The following CLOCK variants were observed in gnomAD, a reference collection of about 807,000 sequenced individuals.
CLOCK encodes clock circadian regulator.
Under a neutral mutation model 118.4 loss-of-function variants are expected in CLOCK, and 43 were observed. That is an observed-to-expected ratio of 0.36 (90% confidence interval 0.28 to 0.47). The LOEUF is 0.47. Among genes scored for constraint, CLOCK ranks in the 20% least tolerant of loss-of-function variants. The pLI is 1.00. For synonymous variants in CLOCK, 326 were observed against 339.2 expected (o/e 0.96, Z 0.43); for missense variants, 846 against 999.9 (o/e 0.85, Z 2.08).
At chr4:55,484,057 G>C (rs904350515) in intron 3 of CLOCK, among the ~76,000 whole-genome samples, 1 of 152,164 alleles carries the variant, frequency 6.6e-6, no homozygotes, top group African/African-American at 2.4e-5. Flanking sequence ...ACAAGAACGT[G>C]AGATTCTAAA....
intron 3 of CLOCK, among the ~76,000 whole-genome samples, chr4:55,487,056 C>G (rs1224595073): frequency 6.6e-6 from 1 of 152,082 alleles, no homozygotes; most frequent in Non-Finnish European, 1.5e-5. Context: ...GCTCTACTTT[C>G]AATAGATTTT....
At position 55,435,495 on chromosome 4, in the gene CLOCK, G is replaced by GTTGC; in HGVS notation, c.2457_2460dup (p.His821AlafsTer16). ...AGTTGCTGCTGTTGCTGAGACTGAT[G>GTTGC]TTGCTGGTGATGTGACTGAGGGAAG... On this transcript the variant is annotated frameshift_variant, in exon 23 of 23. Transcript: ENST00000513440. LOFTEE classifies it high-confidence loss of function. The GTTGC allele has an allele frequency of 6.2e-7, 1 of 1,614,062 alleles. No homozygotes were observed. The highest frequency in any genetic ancestry group is 8.5e-7 in the Non-Finnish European group (1 of 1,179,954).
At chr4:55,453,264 A>G (rs1257580749) in intron 14 of CLOCK, 135 bp from the exon 15 acceptor site, 2 of 718,422 alleles carry the variant, frequency 2.8e-6, no homozygotes, top group African/African-American at 3.5e-5. Context: ...ACAAACCTAA[A>G]ATATACCTAT....
At chr4:55,488,206 A>G (rs1220238478) in intron 3 of CLOCK, among the ~76,000 whole-genome samples, 1 of 152,208 alleles carries the variant, frequency 6.6e-6, no homozygotes, top group East Asian at 1.9e-4. Flanking sequence ...CAGTGACAGA[A>G]TATTCTCCTG....
At chr4:55,456,805 A>C (rs1031811477) in intron 11 of CLOCK, among the ~76,000 whole-genome samples, 7 of 152,032 alleles carry the variant, frequency 4.6e-5, no homozygotes, top group Admixed American at 6.6e-5. Context: ...CAGCTTCCCA[A>C]GTAGCTGGGA....
intron 1 of CLOCK, among the ~76,000 whole-genome samples, chr4:55,534,517 T>C (rs997619037): frequency 6.6e-6 from 1 of 152,188 alleles, no homozygotes; most frequent in Non-Finnish European, 1.5e-5. Flanking sequence ...ATCCATTCTA[T>C]CCTCACATGC....
intron 1 of CLOCK, among the ~76,000 whole-genome samples, chr4:55,517,514 C>T (rs1729591970): frequency 6.6e-6 from 1 of 152,156 alleles, no homozygotes; most frequent in Non-Finnish European, 1.5e-5. Context: ...TGTCTCAAAA[C>T]ACAGAAGATT....
chr4:55,478,319 C>T (rs1290403693), intron 6 of CLOCK, among the ~76,000 whole-genome samples: 1 of 151,876 alleles, frequency 6.6e-6, no homozygotes, highest in African/African-American at 2.4e-5. Context: ...TTATACTATC[C>T]AGCTTTTTCC....
At position 55,432,259 on chromosome 4, in the gene CLOCK, G is replaced by GAAAC. The variant is rs1345045685; in HGVS notation, c.*3155_*3156insGTTT. 2,045 of 152,004 alleles carry GAAAC rather than the reference G, an allele frequency of 0.013. 43 individuals carry two copies. The highest frequency in any genetic ancestry group is 0.047 in the African/African-American group (1,956 of 41,466). The allele number at this position is 152,004 out of a possible 1,614,324, so 9.4% of individuals were successfully genotyped here. On this transcript the variant is annotated 3_prime_UTR_variant, in exon 23 of 23. Transcript: ENST00000513440. ...TTTTTAAGTGTCTCGGTTCTGGTTT[G>GAAAC]ACACCACTCTAAGGAGCAACTTTAT...
intron 6 of CLOCK, among the ~76,000 whole-genome samples, chr4:55,476,282 T>G (rs886653232): frequency 6.6e-6 from 1 of 152,144 alleles, no homozygotes; most frequent in African/African-American, 2.4e-5. Flanking sequence ...GTCTCTTCGG[T>G]TTTTCTCTTG....
At chr4:55,503,601 G>T (rs1191421006) in intron 2 of CLOCK, among the ~76,000 whole-genome samples, 1 of 151,954 alleles carries the variant, frequency 6.6e-6, no homozygotes, top group African/African-American at 2.4e-5. Context: ...TTTGATGAAA[G>T]AGTAAACAAA....
At chr4:55,473,318 A>T (rs1726274919) in intron 7 of CLOCK, among the ~76,000 whole-genome samples, 1 of 152,188 alleles carries the variant, frequency 6.6e-6, no homozygotes, top group Non-Finnish European at 1.5e-5. Flanking sequence ...AGCTATTATG[A>T]CACACAGATA....
Position 55,482,848 on chromosome 4 carries a change from A to G in CLOCK, c.-43-20T>C. The G allele has an allele frequency of 3.4e-6, 4 of 1,186,882 alleles. No homozygotes were observed. The highest frequency in any genetic ancestry group is 4.9e-6 in the Non-Finnish European group (4 of 809,220). The allele number at this position is 1,186,882 out of a possible 1,614,324, so 73.5% of individuals were successfully genotyped here. On this transcript the variant is annotated intron_variant, in intron 3 of 22. Transcript: ENST00000513440. ...CTTCTCCTTAGGTGAAAAGAAAAATAAATGGTCATTAGTTTTCTAAAAATG... is the reference window on the plus strand; with the variant it reads ...CTTCTCCTTAGGTGAAAAGAAAAATGAATGGTCATTAGTTTTCTAAAAATG...
chr4:55,542,384 AT>A (rs1560490101), intron 1 of CLOCK, among the ~76,000 whole-genome samples: 34 of 40,504 alleles, frequency 8.4e-4, no homozygotes, highest in African/African-American at 2.0e-3. Context: ...TAATAATATT[AT>A]TATTATTATT....
intron 1 of CLOCK, among the ~76,000 whole-genome samples, chr4:55,512,388 GT>G (rs71194581): frequency 0.34 from 51,286 of 151,794 alleles, 9,340 homozygotes; most frequent in East Asian, 0.58. Context: ...CTTTGGTAAG[GT>G]TATCTGTCAG....
chr4:55,481,893 A>G (rs1726957571), intron 4 of CLOCK, among the ~76,000 whole-genome samples: 1 of 152,230 alleles, frequency 6.6e-6, no homozygotes, highest in Non-Finnish European at 1.5e-5. Flanking sequence ...GAGGTTAAAT[A>G]ACATGTAAAA....
chr4:55,497,407 T>C (rs1475835990), intron 2 of CLOCK, among the ~76,000 whole-genome samples: 3 of 152,224 alleles, frequency 2.0e-5, no homozygotes, highest in Non-Finnish European at 4.4e-5. Flanking sequence ...CCTTGCCATG[T>C]ACCCTAACAT....
chr4:55,443,849 T>C lies in CLOCK; in HGVS notation c.1740A>G (p.Gln580=), dbSNP rs779967403. Reference sequence around the variant, plus strand: ...TATTAGATGAATTTCCAGAAGAAAGTTGAACGGAACCAAAATTCAACCCAG... The same window carrying C: ...TATTAGATGAATTTCCAGAAGAAAGCTGAACGGAACCAAAATTCAACCCAG... ...SNPGLNFGSV[Q]LSSGNSSNIQ... The change falls in exon 20 of 23, where the codon CAA becomes CAG. Residue 580 remains glutamine, a synonymous_variant. Coordinates refer to ENST00000513440, the MANE Select transcript of CLOCK (RefSeq NM_004898.4). 14 of 1,613,510 alleles carry C rather than the reference T, an allele frequency of 8.7e-6. No individual in the cohort carries two copies. The African/African-American group carries it at 1.6e-4, about 18-fold the overall frequency.
chr4:55,463,955 A>G, intron 8 of CLOCK, 150 bp from the exon 9 acceptor site: 1 of 776,344 alleles, frequency 1.3e-6, no homozygotes, highest in Non-Finnish European at 2.0e-6. Context: ...ATCTCAAAAA[A>G]TAAGATTGAG....
Sources: gnomAD v4.1 joint callset for allele counts (sites outside exome capture counted in the v4.1 genomes callset) on GRCh38, gnomAD v4.1.1 for gene constraint, MANE v1.5 for transcripts, NCBI Gene and HGNC (gene_info 2026-07-23, HGNC 2026-07-21) for gene names.